The following LMO7 variants were observed in gnomAD, a reference collection of about 807,000 sequenced individuals.
The protein encoded by LMO7 is LIM domain 7.
A neutral mutation model predicts 206.5 loss-of-function variants in LMO7; 120 were observed. The observed-to-expected ratio is 0.58, with a 90% CI of 0.50 to 0.68. The LOEUF (loss-of-function observed/expected upper bound fraction) is 0.68. Among genes scored for constraint, LMO7 ranks in the 30% least tolerant of loss-of-function variants. The pLI, the probability that LMO7 is intolerant of heterozygous loss-of-function variation, is 0.00. For synonymous variants in LMO7, 706 were observed against 681.5 expected (o/e 1.04, Z -0.56); for missense variants, 1,959 against 1,957.9 (o/e 1.00, Z -0.01).
At chr13:75,856,805 G>A (rs2061000007) in intron 30 of LMO7, 197 bp downstream of exon 30, 1 of 492,684 alleles carries the variant, frequency 2.0e-6, no homozygotes, top group Non-Finnish European at 3.7e-6. Flanking sequence ...CTACACAGGA[G>A]TGGGTTGTGG....
chr13:75,799,107 T>A (rs2054405607), intron 6 of LMO7, among the ~76,000 whole-genome samples: 1 of 152,242 alleles, frequency 6.6e-6, no homozygotes, highest in Non-Finnish European at 1.5e-5. Context: ...TCAACTCTAA[T>A]GCCAGGGTGT....
chr13:75,726,547 A>G (rs1457927699), intron 2 of LMO7, among the ~76,000 whole-genome samples: 2 of 152,052 alleles, frequency 1.3e-5, no homozygotes, highest in Non-Finnish European at 2.9e-5. Flanking sequence ...AAACTAGTTC[A>G]CTATTTGTAT....
At chr13:75,751,126 T>C (rs1768409261) in intron 3 of LMO7, among the ~76,000 whole-genome samples, 1 of 150,120 alleles carries the variant, frequency 6.7e-6, no homozygotes, top group Admixed American at 6.7e-5. Context: ...AGCATCATCA[T>C]GTACTCAGCT....
intron 1 of LMO7, among the ~76,000 whole-genome samples, chr13:75,712,694 A>G (rs2043214677): frequency 6.6e-6 from 1 of 152,220 alleles, no homozygotes; most frequent in Non-Finnish European, 1.5e-5. Flanking sequence ...GATTTCATAA[A>G]TAAGTTTAAG....
intron 4 of LMO7, among the ~76,000 whole-genome samples, chr13:75,787,270 C>A (rs1027046165): frequency 6.6e-6 from 1 of 152,166 alleles, no homozygotes; most frequent in South Asian, 2.1e-4. Flanking sequence ...TACGTAATAA[C>A]AAGCATTTTA....
At chr13:75,775,674 T>C (rs143654459) in intron 4 of LMO7, among the ~76,000 whole-genome samples, 28 of 152,210 alleles carry the variant, frequency 1.8e-4, no homozygotes, top group African/African-American at 6.5e-4. Context: ...AGAGAAGATA[T>C]GTAAGTGGCT....
chr13:75,692,481 A>G (rs73225936), intron 1 of LMO7, among the ~76,000 whole-genome samples: 9,553 of 149,960 alleles, frequency 0.064, 610 homozygotes, highest in African/African-American at 0.16. Context: ...GAACTTCTGG[A>G]CTCAAGGGAT....
chr13:75,805,395 C>G lies in LMO7; in HGVS notation c.915-84C>G, dbSNP rs976584963. 1.0e-5 allele frequency: 15 copies of G among 1,431,576 alleles called. No homozygotes were observed. In the African/African-American group the frequency reaches 2.1e-4, roughly 20 times the overall value. 88.7% of individuals were successfully genotyped at this position (1,431,576 alleles called of 1,614,324 possible). A position where few individuals can be genotyped will look rare whatever the true frequency, so the allele number is the denominator to read the frequency against. ...TTTGCTTTGTTCACAGTGGTGTAAA[C>G]TTTGTGAACCAGAAAGCATGCCATT... On this transcript the variant is annotated intron_variant, in intron 8 of 30. Coordinates refer to ENST00000377534, the MANE Select transcript of LMO7 (RefSeq NM_001306080.2).
chr13:75,774,837 C>A (rs557700985), intron 4 of LMO7, among the ~76,000 whole-genome samples: 1 of 152,156 alleles, frequency 6.6e-6, no homozygotes, highest in East Asian at 1.9e-4. Flanking sequence ...TTTTGAAGAG[C>A]AGAAGATTTG....
chr13:75,800,732 T>C lies in LMO7; in HGVS notation c.511T>C (p.Tyr171His), dbSNP rs1350557099. 1.2e-6 allele frequency: 2 copies of C among 1,614,188 alleles called. No homozygotes were observed. The highest frequency in any genetic ancestry group is 2.2e-5 in the South Asian group (2 of 91,086). ...GAAAAGAAGTGGCAGGGACAGTGGC[T>C]ACGGTGACATCTGGTGTCCTGAACG... ...FLKRSGRDSGYGDIWCPERGE... is the reference protein window; with the variant it reads ...FLKRSGRDSGHGDIWCPERGE... The change falls in exon 7 of 31, where the codon TAC (tyrosine) becomes CAC (histidine). Residue 171 changes from tyrosine to histidine, a missense_variant. Coordinates refer to ENST00000377534, the MANE Select transcript of LMO7 (RefSeq NM_001306080.2).
intron 16 of LMO7, among the ~76,000 whole-genome samples, 161 bp downstream of exon 16, chr13:75,833,326 T>C (rs1005027440): frequency 5.9e-5 from 9 of 152,114 alleles, no homozygotes; most frequent in African/African-American, 2.2e-4. Flanking sequence ...AGATTATTAG[T>C]TGGGGTTACA....
At chr13:75,681,736 A>ATATATATGTATATATATATATATG (rs1566304947) in intron 1 of LMO7, among the ~76,000 whole-genome samples, 2 of 133,232 alleles carry the variant, frequency 1.5e-5, no homozygotes, top group Admixed American at 7.7e-5. Context: ...ATATATATAT[A>ATATATATGTATATATATATATATG]TATATATATA....
chr13:75,752,094 A>G (rs982345171), intron 3 of LMO7, among the ~76,000 whole-genome samples: 1 of 152,072 alleles, frequency 6.6e-6, no homozygotes, highest in Non-Finnish European at 1.5e-5. Flanking sequence ...CTCTCTCTCT[A>G]TATATGCAAC....
intron 3 of LMO7, among the ~76,000 whole-genome samples, chr13:75,747,920 C>T (rs2139352651): frequency 6.6e-6 from 1 of 152,232 alleles, no homozygotes; most frequent in Non-Finnish European, 1.5e-5. Context: ...AGATAGATGG[C>T]TGAGTGAGGG....
chr13:75,665,066 GTA>G (rs2038963203), intron 1 of LMO7, among the ~76,000 whole-genome samples: 1 of 152,110 alleles, frequency 6.6e-6, no homozygotes, highest in Admixed American at 6.5e-5. Context: ...GTGTGTATAT[GTA>G]TATAGAATAA....
At chr13:75,711,194 G>A (rs1247919625) in intron 1 of LMO7, among the ~76,000 whole-genome samples, 2 of 152,114 alleles carry the variant, frequency 1.3e-5, no homozygotes, top group South Asian at 2.1e-4. Context: ...TGCTGGATTC[G>A]GTTTGCCAGT....
At chr13:75,683,272 T>C (rs2040705923) in intron 1 of LMO7, among the ~76,000 whole-genome samples, 2 of 152,184 alleles carry the variant, frequency 1.3e-5, no homozygotes, top group Admixed American at 1.3e-4. Context: ...TTGTGGTTCA[T>C]ATCTAAGACA....
chr13:75,680,722 C>A (rs758119887), intron 1 of LMO7, among the ~76,000 whole-genome samples: 9 of 151,900 alleles, frequency 5.9e-5, no homozygotes, highest in Non-Finnish European at 1.2e-4. Flanking sequence ...CCTCCCCTAT[C>A]CCCCAACCCC....
intron 1 of LMO7, among the ~76,000 whole-genome samples, chr13:75,639,512 C>T (rs1430667625): frequency 6.6e-6 from 1 of 152,186 alleles, no homozygotes; most frequent in African/African-American, 2.4e-5. Flanking sequence ...GGTTTCAAGG[C>T]AAAGGCAGAG....
Sources: gnomAD v4.1 joint callset for allele counts (sites outside exome capture counted in the v4.1 genomes callset) on GRCh38, gnomAD v4.1.1 for gene constraint, MANE v1.5 for transcripts, NCBI Gene and HGNC (gene_info 2026-07-23, HGNC 2026-07-21) for gene names.